The following CDH13 variants were observed in gnomAD, a reference collection of about 807,000 sequenced individuals.
CDH13 encodes the protein cadherin 13.
In CDH13, 24 loss-of-function variants were observed where a neutral mutation model predicts 63.8. The ratio of observed to expected loss-of-function variants is 0.38; its 90% confidence interval spans 0.27 to 0.53. CDH13 has a LOEUF of 0.53. CDH13 is among the 20% of genes least tolerant of loss of function. CDH13 has a pLI of 0.85. For synonymous variants in CDH13, 503 were observed against 355.3 expected, an observed-to-expected ratio of 1.42 and a Z score of -4.67; for missense variants, 1,049 against 903.1, an observed-to-expected ratio of 1.16 and a Z score of -2.07.
At chr16:83,487,249 T>C (rs572094851) in intron 7 of CDH13, among the ~76,000 whole-genome samples, 37 of 152,382 alleles carry the variant, frequency 2.4e-4, no homozygotes, top group African/African-American at 7.5e-4. Context: ...TCTTTCGTTT[T>C]GCCTGCAGTG....
At chr16:82,878,776 C>T (rs938371120) in intron 2 of CDH13, among the ~76,000 whole-genome samples, 3 of 151,884 alleles carry the variant, frequency 2.0e-5, no homozygotes, top group Non-Finnish European at 2.9e-5. Context: ...TTTTCCATTT[C>T]AAAGCACCAA....
chr16:83,527,074 T>G (rs1305099499), intron 7 of CDH13, among the ~76,000 whole-genome samples: 5 of 151,752 alleles, frequency 3.3e-5, no homozygotes, highest in Non-Finnish European at 7.4e-5. Flanking sequence ...GAGGCTGCTG[T>G]AAGCCGAGAT....
At chr16:83,049,442 C>G (rs533376833) in intron 3 of CDH13, among the ~76,000 whole-genome samples, 2 of 148,332 alleles carry the variant, frequency 1.3e-5, no homozygotes, top group Non-Finnish European at 3.0e-5. Context: ...TCAGGCCATT[C>G]TCCTGCCTCA....
At chr16:82,739,477 A>G (rs1402955585) in intron 1 of CDH13, among the ~76,000 whole-genome samples, 4 of 152,222 alleles carry the variant, frequency 2.6e-5, no homozygotes, top group Admixed American at 2.6e-4. Context: ...AAATTTTAAG[A>G]GTGAGAGAAG....
intron 11 of CDH13, among the ~76,000 whole-genome samples, chr16:83,757,182 A>G (rs1342177194): frequency 6.6e-6 from 1 of 152,228 alleles, no homozygotes; most frequent in Non-Finnish European, 1.5e-5. Flanking sequence ...CTCATAATCA[A>G]AAACAAAAAT....
intron 4 of CDH13, among the ~76,000 whole-genome samples, chr16:83,129,380 G>C (rs2035949948): frequency 6.6e-6 from 1 of 152,174 alleles, no homozygotes; most frequent in South Asian, 2.1e-4. Flanking sequence ...TGGACCGCAA[G>C]ACAAGAATTC....
intron 6 of CDH13, among the ~76,000 whole-genome samples, chr16:83,424,779 C>T (rs1475841538): frequency 6.6e-6 from 1 of 152,148 alleles, no homozygotes; most frequent in Non-Finnish European, 1.5e-5. Context: ...ACAGATGAAG[C>T]CACTGTATCA....
chr16:82,913,382 C>A (rs1384271226), intron 2 of CDH13, among the ~76,000 whole-genome samples: 1 of 152,138 alleles, frequency 6.6e-6, no homozygotes, highest in African/African-American at 2.4e-5. Flanking sequence ...CATGTTTTAC[C>A]TTGATCTACT....
chr16:83,128,188 G>A (rs1253248743), intron 4 of CDH13, among the ~76,000 whole-genome samples: 1 of 152,030 alleles, frequency 6.6e-6, no homozygotes, highest in Non-Finnish European at 1.5e-5. Context: ...CACTGGGGTG[G>A]GGGTGAGGAC....
At chr16:83,428,214 C>G (rs1301070465) in intron 6 of CDH13, among the ~76,000 whole-genome samples, 1 of 152,110 alleles carries the variant, frequency 6.6e-6, no homozygotes, top group Non-Finnish European at 1.5e-5. Flanking sequence ...TTCATGTGAC[C>G]TTCCATGGGA....
At chr16:83,409,388 G>A (rs745759033) in intron 6 of CDH13, among the ~76,000 whole-genome samples, 2 of 152,146 alleles carry the variant, frequency 1.3e-5, no homozygotes, top group African/African-American at 2.4e-5. Context: ...CTCATGCAGC[G>A]ACACGGGGCA....
At chr16:83,648,061 C>G (rs929024214) in intron 8 of CDH13, among the ~76,000 whole-genome samples, 7 of 152,146 alleles carry the variant, frequency 4.6e-5, no homozygotes, top group Admixed American at 3.9e-4. Flanking sequence ...GACTTAGAAC[C>G]TCTTAAATAT....
At chr16:83,464,894 C>G (rs905182557) in intron 6 of CDH13, among the ~76,000 whole-genome samples, 1 of 152,106 alleles carries the variant, frequency 6.6e-6, no homozygotes, top group Admixed American at 6.5e-5. Context: ...CTCCCTGCCT[C>G]GGCCTCCCAA....
intron 6 of CDH13, among the ~76,000 whole-genome samples, chr16:83,399,608 C>T (rs9936939): frequency 0.013 from 1,974 of 152,232 alleles, 45 homozygotes; most frequent in African/African-American, 0.046. Context: ...TCACTCGTAA[C>T]CAGTAGAATG....
At chr16:83,408,763 G>A (rs1176800535) in intron 6 of CDH13, among the ~76,000 whole-genome samples, 1 of 152,206 alleles carries the variant, frequency 6.6e-6, no homozygotes, top group African/African-American at 2.4e-5. Flanking sequence ...AAGCAAGTCA[G>A]CCTAGTGGAG....
At chr16:82,964,198 A>T (rs746573012) in intron 2 of CDH13, among the ~76,000 whole-genome samples, 2 of 152,222 alleles carry the variant, frequency 1.3e-5, no homozygotes. Flanking sequence ...TCAATGGTGG[A>T]GCTCCATAAA....
At chr16:82,908,435 T>C (rs943408985) in intron 2 of CDH13, among the ~76,000 whole-genome samples, 2 of 152,138 alleles carry the variant, frequency 1.3e-5, no homozygotes, top group African/African-American at 2.4e-5. Flanking sequence ...GTTACCTTTG[T>C]ACAATGGACA....
chr16:83,377,688 G>A (rs1223824782), intron 6 of CDH13, among the ~76,000 whole-genome samples: 1 of 152,132 alleles, frequency 6.6e-6, no homozygotes, highest in Non-Finnish European at 1.5e-5. Context: ...CATTTCTTCT[G>A]CCTGATAATG....
chr16:82,866,287 C>A (rs2040134989), intron 2 of CDH13, among the ~76,000 whole-genome samples: 2 of 151,378 alleles, frequency 1.3e-5, no homozygotes, highest in African/African-American at 4.9e-5. Context: ...TCCAAATTTG[C>A]TTCCTCATTT....
Sources: allele counts gnomAD v4.1 joint callset (sites outside exome capture counted in the v4.1 genomes callset), GRCh38; gene constraint gnomAD v4.1.1; transcripts MANE v1.5; gene names NCBI Gene and HGNC (gene_info 2026-07-23, HGNC 2026-07-21).